Variants in LYPD6B observed in about 807,000 individuals in gnomAD.
LYPD6B encodes LY6/PLAUR domain containing 6B, also known as ly6/PLAUR domain-containing protein 6B.
A neutral mutation model predicts 22.8 loss-of-function variants in LYPD6B; 17 were observed. That is an observed-to-expected ratio of 0.75 (90% confidence interval 0.51 to 1.12). The LOEUF is 1.12. LYPD6B is among the 50% of genes most tolerant of loss of function. The pLI is 0.00. For missense variants in LYPD6B, 221 were observed against 258.3 expected (o/e 0.86, Z 0.99); for synonymous variants, 106 against 91.6 (o/e 1.16, Z -0.90).
At chr2:149,104,451 G>A (rs980226273) in intron 1 of LYPD6B, among the ~76,000 whole-genome samples, 1 of 152,134 alleles carries the variant, frequency 6.6e-6, no homozygotes, top group Non-Finnish European at 1.5e-5. Flanking sequence ...AACATACCGT[G>A]TGTTGGTAAG....
intron 3 of LYPD6B, among the ~76,000 whole-genome samples, chr2:149,203,125 T>C (rs1254399894): frequency 2.0e-5 from 3 of 152,148 alleles, no homozygotes; most frequent in African/African-American, 7.2e-5. Flanking sequence ...ATGCACTGGG[T>C]CATTCAGTCC....
intron 1 of LYPD6B, among the ~76,000 whole-genome samples, chr2:149,095,539 T>G (rs1685865200): frequency 6.6e-6 from 1 of 152,224 alleles, no homozygotes; most frequent in Non-Finnish European, 1.5e-5. Flanking sequence ...TATTTACTCT[T>G]AGCTAATCTA....
intron 1 of LYPD6B, among the ~76,000 whole-genome samples, chr2:149,119,836 A>G (rs751927001): frequency 6.6e-6 from 1 of 152,238 alleles, no homozygotes; most frequent in Admixed American, 6.5e-5. Flanking sequence ...GCACTGAACA[A>G]CAACAAATAG....
rs79216234 is a variant in LYPD6B, at chr2:149,056,750, T to C, written c.-67+17949T>C. ...TTTGTTGTGTCTGGTTTGGGTAATC[T>C]AACACCAGCCATGCGTTCATCTTCA... On this transcript the variant is annotated intron_variant, in intron 1 of 6. Transcript: ENST00000409642. 1.3e-3 allele frequency among the ~76,000 whole-genome samples: 203 copies of C among 152,264 alleles called. 1 individual carries two copies. Among genetic ancestry groups the C allele is most frequent in the African/African-American group, 3.8e-3 (158 of 41,566 alleles).
chr2:149,056,524 C>CT (rs1296938607), intron 1 of LYPD6B, among the ~76,000 whole-genome samples: 3 of 152,008 alleles, frequency 2.0e-5, no homozygotes, highest in African/African-American at 7.2e-5. Flanking sequence ...CCTTGGAAAT[C>CT]TTTTTTTCCA....
rs201439597 is a variant in LYPD6B at position 149,100,442 on chromosome 2, G to T, written c.-66-30441G>T. On this transcript the variant is annotated intron_variant, in intron 1 of 6. Coordinates refer to ENST00000409642, the MANE Select transcript of LYPD6B (RefSeq NM_177964.5). ...AAAAAAAAAAAAAAAAAAAAAAAAAGCCCGGGCTGGAGTCAGAAGGGTCCA... is the reference window on the plus strand; with the variant it reads ...AAAAAAAAAAAAAAAAAAAAAAAAATCCCGGGCTGGAGTCAGAAGGGTCCA... 1.3e-4 allele frequency among the ~76,000 whole-genome samples: 9 copies of T among 68,286 alleles called. No homozygotes were observed. In the South Asian group the frequency reaches 4.6e-3, roughly 35 times the overall value. 44.8% of individuals were successfully genotyped at this position (68,286 alleles called of 152,430 possible).
At position 149,038,703 on chromosome 2, in the gene LYPD6B, C is replaced by G. The variant is rs113777500; in HGVS notation, c.-165C>G. On this transcript the variant is annotated 5_prime_UTR_variant, in exon 1 of 7. Coordinates refer to ENST00000409642, the MANE Select transcript of LYPD6B (RefSeq NM_177964.5). ...CAGGGAGGAGCCGCGCCCCGCCCCG[C>G]GCGGTAGCAGCCAACGCCGGCCCCA... 5.3e-5 allele frequency: 8 copies of G among 151,686 alleles called. No individual in the cohort carries two copies. The allele number at this position is 151,686 out of a possible 1,614,324, so 9.4% of individuals were successfully genotyped here. A position where few individuals can be genotyped will look rare whatever the true frequency, so the allele number is the denominator to read the frequency against.
rs773086166 is a variant in LYPD6B at position 149,130,913 on chromosome 2, C to T, written c.-36C>T. The T allele has an allele frequency of 1.9e-6, 3 of 1,583,634 alleles. No homozygotes were observed. The highest frequency in any genetic ancestry group is 2.2e-5 in the South Asian group (2 of 90,036). On this transcript the variant is annotated 5_prime_UTR_variant, in exon 2 of 7. Coordinates refer to ENST00000409642, the MANE Select transcript of LYPD6B (RefSeq NM_177964.5). ...CCACACTTCTGCCTGCTGTTGGCAA[C>T]CCTCCTGGACTAGGCTGCTCTTGTT...
At chr2:149,200,147 A>C (rs1209010542) in intron 3 of LYPD6B, among the ~76,000 whole-genome samples, 32 of 152,196 alleles carry the variant, frequency 2.1e-4, no homozygotes. Flanking sequence ...CTGTGAGATA[A>C]GTGGTGCTTG....
chr2:149,050,054 C>T (rs1412637089), intron 1 of LYPD6B, among the ~76,000 whole-genome samples: 2 of 152,150 alleles, frequency 1.3e-5, no homozygotes, highest in African/African-American at 4.8e-5. Context: ...CCATATTCCC[C>T]TTGCCCCCAG....
At chr2:149,068,630 AT>A (rs1684450985) in intron 1 of LYPD6B, 8 of 501,086 alleles carry the variant, frequency 1.6e-5, no homozygotes, top group Non-Finnish European at 3.3e-5. Context: ...GATTTTCCTT[AT>A]TATTATAGCT....
At chr2:149,099,435 A>G (rs779231921) in intron 1 of LYPD6B, among the ~76,000 whole-genome samples, 5 of 151,402 alleles carry the variant, frequency 3.3e-5, no homozygotes, top group African/African-American at 4.9e-5. Context: ...CCTTGTACCT[A>G]GGATCCTTGG....
chr2:149,075,686 G>T (rs1418042356), intron 1 of LYPD6B, among the ~76,000 whole-genome samples: 1 of 152,148 alleles, frequency 6.6e-6, no homozygotes, highest in African/African-American at 2.4e-5. Context: ...TTGACTCCAG[G>T]TTTGTGGAAA....
At chr2:149,200,157 G>T (rs2106114563) in intron 3 of LYPD6B, among the ~76,000 whole-genome samples, 2 of 152,326 alleles carry the variant, frequency 1.3e-5, no homozygotes, top group East Asian at 3.9e-4. Flanking sequence ...AGTGGTGCTT[G>T]CAGGAAGGTG....
intron 2 of LYPD6B, among the ~76,000 whole-genome samples, chr2:149,131,875 A>G (rs1688053188): frequency 1.3e-5 from 2 of 152,196 alleles, no homozygotes; most frequent in African/African-American, 2.4e-5. Flanking sequence ...TGATGAAAAT[A>G]CTTCTGTCAA....
At chr2:149,194,790 G>T (rs1692706309) in intron 3 of LYPD6B, among the ~76,000 whole-genome samples, 2 of 152,204 alleles carry the variant, frequency 1.3e-5, no homozygotes, top group Non-Finnish European at 2.9e-5. Flanking sequence ...ACAGTGTAGG[G>T]TGGAGAGGGA....
intron 3 of LYPD6B, among the ~76,000 whole-genome samples, chr2:149,186,935 C>G (rs1055517275): frequency 1.3e-5 from 2 of 152,154 alleles, no homozygotes; most frequent in African/African-American, 4.8e-5. Context: ...CACAGCCACC[C>G]CAACCTTTAG....
chr2:149,095,849 TAGAC>T (rs1408270211), intron 1 of LYPD6B, among the ~76,000 whole-genome samples: 5 of 149,950 alleles, frequency 3.3e-5, no homozygotes, highest in South Asian at 2.1e-4. Context: ...AGGAGACAGA[TAGAC>T]AGAGAGACCA....
At chr2:149,097,675 T>C (rs2377509) in intron 1 of LYPD6B, among the ~76,000 whole-genome samples, 95,199 of 152,018 alleles carry the variant, frequency 0.63, 29,979 homozygotes, top group Admixed American at 0.67. Flanking sequence ...GTAGATGTAA[T>C]CAGGCATAAT....
Sources: gnomAD v4.1 joint callset for allele counts (sites outside exome capture counted in the v4.1 genomes callset) on GRCh38, gnomAD v4.1.1 for gene constraint, MANE v1.5 for transcripts, NCBI Gene and HGNC (gene_info 2026-07-23, HGNC 2026-07-21) for gene names.